ACBD3: variants seen among roughly 807,000 people sequenced by gnomAD.
ACBD3 encodes the protein Golgi resident protein GCP60.
A neutral mutation model predicts 66.9 loss-of-function variants in ACBD3; 30 were observed. That is an observed-to-expected ratio of 0.45 (90% confidence interval 0.34 to 0.61). ACBD3 has a LOEUF of 0.61. Among genes scored for constraint, ACBD3 ranks in the 20% least tolerant of loss-of-function variants. The pLI, the probability that ACBD3 is intolerant of heterozygous loss-of-function variation, is 0.02. For missense variants in ACBD3, 544 were observed against 664.5 expected (o/e 0.82, Z 1.99); for synonymous variants, 278 against 259.8 (o/e 1.07, Z -0.68).
rs1365952078 is a variant in ACBD3, at chr1:226,180,843, A to G, written c.286+5547T>C. 2.0e-5 allele frequency among the ~76,000 whole-genome samples: 3 copies of G among 152,222 alleles called. No homozygotes were observed. In the East Asian group the frequency reaches 5.8e-4, roughly 29 times the overall value. On this transcript the variant is annotated intron_variant, in intron 1 of 7. Coordinates refer to ENST00000366812, the MANE Select transcript of ACBD3 (RefSeq NM_022735.4). ...GTGAAACCCTGTCTGTACTAAAAATACAAAAATTAGCTGGGCGTAGTGGCA... is the reference window on the plus strand; with the variant it reads ...GTGAAACCCTGTCTGTACTAAAAATGCAAAAATTAGCTGGGCGTAGTGGCA...
intron 3 of ACBD3, among the ~76,000 whole-genome samples, chr1:226,162,627 C>T (rs1659792544): frequency 6.6e-6 from 1 of 152,076 alleles, no homozygotes; most frequent in African/African-American, 2.4e-5. Flanking sequence ...AGGGAGCCTG[C>T]AGACAGGATG....
At chr1:226,160,172 A>T (rs186173154) in intron 4 of ACBD3, among the ~76,000 whole-genome samples, 143 of 151,414 alleles carry the variant, frequency 9.4e-4, no homozygotes, top group African/African-American at 3.3e-3. Context: ...GCTCACTGCA[A>T]CCTCCACTTC....
At chr1:226,164,688 C>T in intron 3 of ACBD3, 101 bp downstream of exon 3, 2 of 1,308,626 alleles carry the variant, frequency 1.5e-6, no homozygotes, top group East Asian at 2.7e-5. Context: ...CCAAGGAAAG[C>T]AAGACACCTG....
chr1:226,154,443 G>A (rs996718507), intron 6 of ACBD3, among the ~76,000 whole-genome samples: 1 of 152,030 alleles, frequency 6.6e-6, no homozygotes, highest in Non-Finnish European at 1.5e-5. Context: ...TGTCTTAAAA[G>A]TGTCCAAAGA....
chr1:226,169,023 C>T (rs1401596703), intron 1 of ACBD3, among the ~76,000 whole-genome samples: 10 of 152,008 alleles, frequency 6.6e-5, no homozygotes, highest in African/African-American at 1.9e-4. Flanking sequence ...CCACCATACC[C>T]GGCTAGTTTT....
At chr1:226,175,300 G>A (rs1462000994) in intron 1 of ACBD3, among the ~76,000 whole-genome samples, 2 of 152,046 alleles carry the variant, frequency 1.3e-5, no homozygotes, top group African/African-American at 4.8e-5. Context: ...CATTTCCAAA[G>A]TAATGGAATA....
chr1:226,156,598 A>C (rs922588918), intron 5 of ACBD3, among the ~76,000 whole-genome samples: 1 of 152,220 alleles, frequency 6.6e-6, no homozygotes, highest in African/African-American at 2.4e-5. Context: ...ATATCTCTAC[A>C]CACATTTCAT....
intron 1 of ACBD3, among the ~76,000 whole-genome samples, chr1:226,174,775 CA>C (rs1655991526): frequency 6.6e-6 from 1 of 150,654 alleles, no homozygotes; most frequent in African/African-American, 2.4e-5. Context: ...CAAAAACAAA[CA>C]AACAAAAAAA....
chr1:226,150,000 GC>G (rs1276666827), intron 7 of ACBD3, among the ~76,000 whole-genome samples: 2 of 151,468 alleles, frequency 1.3e-5, no homozygotes, highest in Admixed American at 1.3e-4. Flanking sequence ...AAACAGTAGT[GC>G]CCCCTGGCTA....
rs778752920 is a variant in ACBD3, at chr1:226,154,631, CAT to C, written c.1090+14_1090+15del. Reference sequence around the variant, plus strand: ...TGGAATTATGACATCTGGACAAACACATATGCAAAACCTACCTTTTGGTCCAT... The same window carrying C: ...TGGAATTATGACATCTGGACAAACACATGCAAAACCTACCTTTTGGTCCAT... On this transcript the variant is annotated intron_variant, in intron 6 of 7. Transcript: ENST00000366812. The C allele has an allele frequency of 3.1e-6, 5 of 1,601,458 alleles. No individual in the cohort carries two copies. The highest frequency in any genetic ancestry group is 1.3e-5 in the African/African-American group (1 of 74,304).
chr1:226,186,006 T>C (rs1482192755), intron 1 of ACBD3, among the ~76,000 whole-genome samples: 3 of 151,748 alleles, frequency 2.0e-5, no homozygotes, highest in African/African-American at 4.8e-5. Context: ...CCATGGGAAA[T>C]AGGAAAAGAA....
intron 1 of ACBD3, among the ~76,000 whole-genome samples, chr1:226,182,576 T>C (rs1454515896): frequency 6.6e-6 from 1 of 152,060 alleles, no homozygotes; most frequent in Non-Finnish European, 1.5e-5. Flanking sequence ...ATCATGCCAC[T>C]GCATTCCAGC....
In ACBD3 at chr1:226,164,116, TAAA is replaced by T. The variant is rs1165905762; in HGVS notation, c.569+670_569+672del. Among the ~76,000 whole-genome samples the T allele has an allele frequency of 8.8e-3, 452 of 51,592 alleles. 2 individuals carry two copies. The highest frequency in any genetic ancestry group is 0.027 in the African/African-American group (302 of 11,098). 33.8% of individuals were successfully genotyped at this position (51,592 alleles called of 152,430 possible). The stretch of plus-strand genomic sequence containing the variant: ...ATAGCAACAGAGCAAGACTCCATCT[TAAA>T]AAAAAAAAAAAAAAAAAAAAAAAAG... On this transcript the variant is annotated intron_variant, in intron 3 of 7. Coordinates refer to ENST00000366812, the MANE Select transcript of ACBD3 (RefSeq NM_022735.4).
intron 5 of ACBD3, among the ~76,000 whole-genome samples, chr1:226,158,732 T>C (rs1659719740): frequency 1.3e-5 from 2 of 152,220 alleles, no homozygotes; most frequent in South Asian, 4.1e-4. Flanking sequence ...TGCCTAACTA[T>C]GGTGCCTAAC....
chr1:226,186,239 G>T (rs1310343968), intron 1 of ACBD3, 151 bp downstream of exon 1: 11 of 1,057,600 alleles, frequency 1.0e-5, no homozygotes, highest in Non-Finnish European at 1.4e-5. Flanking sequence ...ACAAACTTCG[G>T]GTACCCCCAA....
chr1:226,147,772 A>T (rs981642740), intron 7 of ACBD3, among the ~76,000 whole-genome samples: 1 of 152,202 alleles, frequency 6.6e-6, no homozygotes, highest in Non-Finnish European at 1.5e-5. Flanking sequence ...TTGAACTGTA[A>T]TGCTATGAGG....
In ACBD3 at chr1:226,164,933, T is replaced by C. The variant is rs1479218147; in HGVS notation, c.429-4A>G. On this transcript the variant is annotated splice_region_variant and splice_polypyrimidine_tract_variant and intron_variant, in intron 2 of 7. Transcript: ENST00000366812. ...TCCCAGGGCTGCCCATTCTCTCCTG[T>C]AAGGAATAACAAGAAAAGTTACCTC... 1.2e-5 allele frequency: 18 copies of C among 1,550,928 alleles called. No individual in the cohort carries two copies. The highest frequency in any genetic ancestry group is 1.6e-5 in the Non-Finnish European group (18 of 1,150,876).
chr1:226,181,999 G>A (rs531987981), intron 1 of ACBD3, among the ~76,000 whole-genome samples: 3 of 152,294 alleles, frequency 2.0e-5, no homozygotes, highest in African/African-American at 7.2e-5. Flanking sequence ...GAGAGGCCAA[G>A]GCGGGTGAAT....
At chr1:226,150,402 G>A (rs764330012) in intron 7 of ACBD3, among the ~76,000 whole-genome samples, 26 of 151,494 alleles carry the variant, frequency 1.7e-4, no homozygotes, top group Non-Finnish European at 3.2e-4. Flanking sequence ...TTTTTGAGAC[G>A]GAGTCTCGCT....
Sources: gnomAD v4.1 joint callset for allele counts (sites outside exome capture counted in the v4.1 genomes callset) on GRCh38, gnomAD v4.1.1 for gene constraint, MANE v1.5 for transcripts, NCBI Gene and HGNC (gene_info 2026-07-23, HGNC 2026-07-21) for gene names.